The following HOMER3 variants were observed in gnomAD, a reference collection of about 807,000 sequenced individuals.
HOMER3 encodes the protein homer protein homolog 3.
Under a neutral mutation model 45.5 loss-of-function variants are expected in HOMER3, and 34 were observed. The observed-to-expected ratio is 0.75, with a 90% CI of 0.57 to 1.00. The LOEUF (loss-of-function observed/expected upper bound fraction) is 1.00. Ranked by LOEUF, HOMER3 falls within the 50% of genes least tolerant of loss-of-function variation. The pLI, the probability that HOMER3 is intolerant of heterozygous loss-of-function variation, is 0.00. For synonymous variants in HOMER3, 223 were observed against 208.8 expected, an observed-to-expected ratio of 1.07 and a Z score of -0.58; for missense variants, 480 against 497.5, an observed-to-expected ratio of 0.96 and a Z score of 0.33.
chr19:18,937,451 T>C lies in HOMER3; in HGVS notation c.303+902A>G, dbSNP rs201379611. ...CAGCACTTTGGGAGGCCGAGGCAGG[T>C]GGATCATCTGAGGTCAGGAGTTCAA... On this transcript the variant is annotated intron_variant, in intron 4 of 9. Transcript: ENST00000392351. Among the ~76,000 whole-genome samples the C allele has an allele frequency of 5.4e-4, 81 of 149,564 alleles. No homozygotes were observed. The East Asian group carries it at 0.014, about 26-fold the overall frequency.
chr19:18,932,873 T>TCCCCCCCCCCAAACCC, intron 6 of HOMER3, 51 bp downstream of exon 6: 1 of 877,174 alleles, frequency 1.1e-6, no homozygotes, highest in Non-Finnish European at 1.6e-6. Flanking sequence ...CGCCTCCTCG[T>TCCCCCCCCCCAAACCC]CCCCCACCCC....
In HOMER3 at chr19:18,938,955, AG is replaced by A. The variant is rs1478455374; in HGVS notation, c.14+13del. 2 of 1,604,066 alleles carry A rather than the reference AG, an allele frequency of 1.2e-6. No homozygotes were observed. The highest frequency in any genetic ancestry group is 1.7e-5 in the Admixed American group (1 of 59,042). ...AGAAAGCTCAGGGCCAGGCTGGGGG[AG>A]GTGGGAGCTCACCTGGCTGTGGACA... is the stretch of plus-strand genomic sequence containing the variant. On this transcript the variant is annotated intron_variant, in intron 2 of 9. Coordinates refer to ENST00000392351, the MANE Select transcript of HOMER3 (RefSeq NM_004838.4).
Position 18,939,012 on chromosome 19 carries a change from G to A in HOMER3, c.-30C>T, listed in dbSNP as rs1355110220. On this transcript the variant is annotated 5_prime_UTR_variant, in exon 2 of 10. Coordinates refer to ENST00000392351, the MANE Select transcript of HOMER3 (RefSeq NM_004838.4). ...CAGGCTGGGATGGGCAGGCTCTAGG[G>A]GGCAGCCAGAGAGGTGGCAGGAGCA... The A allele has an allele frequency of 6.4e-7, 1 of 1,553,630 alleles. No homozygotes were observed. The highest frequency in any genetic ancestry group is 1.4e-5 in the African/African-American group (1 of 73,448).
rs2057119811 is a variant in HOMER3, at chr19:18,938,601, G to A, written c.172-117C>T. 3 of 1,496,882 alleles carry A rather than the reference G, an allele frequency of 2.0e-6. No homozygotes were observed. The Admixed American group carries it at 5.5e-5, about 27-fold the overall frequency. The allele number at this position is 1,496,882 out of a possible 1,614,324, so 92.7% of individuals were successfully genotyped here. ...GTCTTTACTCTGAACCCTTTCAGGAGATAGAGACTAGGGCCTGGGAAGGCT... is the reference window on the plus strand; with the variant it reads ...GTCTTTACTCTGAACCCTTTCAGGAAATAGAGACTAGGGCCTGGGAAGGCT... On this transcript the variant is annotated intron_variant, in intron 3 of 9. Transcript: ENST00000392351.
Position 18,933,009 on chromosome 19 carries a change from C to T in HOMER3, c.448G>A (p.Gly150Ser), listed in dbSNP as rs1192390786. The T allele has an allele frequency of 3.4e-6, 5 of 1,484,820 alleles. No individual in the cohort carries two copies. The highest frequency in any genetic ancestry group is 3.0e-5 in the African/African-American group (2 of 67,566). 92.0% of individuals were successfully genotyped at this position (1,484,820 alleles called of 1,614,324 possible). ...PSPLVSANGP[G>S]EEKLFRSQSA... The stretch of plus-strand genomic sequence containing the variant: ...TGGCTGCGGAACAGTTTTTCCTCGC[C>T]GGGGCCGTTGGCACTGACGAGAGGG... Residue 150 changes from glycine (G) to serine (S), a missense_variant, in exon 6 of 10, where the codon GGC becomes AGC. Physicochemically the swap from Gly to Ser is moderately conservative, Grantham distance 56. Coordinates refer to ENST00000392351, the MANE Select transcript of HOMER3 (RefSeq NM_004838.4).
At chr19:18,932,492 T>A (rs1276023005) in intron 6 of HOMER3, among the ~76,000 whole-genome samples, 1 of 151,822 alleles carries the variant, frequency 6.6e-6, no homozygotes, top group East Asian at 1.9e-4. Flanking sequence ...GTGGCGACAC[T>A]GATTGCTGAG....
chr19:18,933,749 G>A (rs139603125), intron 5 of HOMER3, among the ~76,000 whole-genome samples: 2,077 of 151,924 alleles, frequency 0.014, 54 homozygotes, highest in African/African-American at 0.047. Flanking sequence ...CTGTCACCCA[G>A]GCTGGAGTGC....
chr19:18,937,708 A>G (rs2057109074), intron 4 of HOMER3, among the ~76,000 whole-genome samples: 1 of 151,524 alleles, frequency 6.6e-6, no homozygotes, highest in Admixed American at 6.6e-5. Flanking sequence ...GATCTTCGTG[A>G]AAGCACTCAT....
At position 18,941,134 on chromosome 19, in the gene HOMER3, C is replaced by G. The variant is rs531819145; in HGVS notation, c.-151G>C. On this transcript the variant is annotated 5_prime_UTR_variant, in exon 1 of 10. Transcript: ENST00000392351. ...GCTGACTCCGCGCTGCCGGGCGCCC[C>G]GCTCGCTCCCTGGCTCCCGGGCCCG... 5.7e-4 allele frequency: 86 copies of G among 149,736 alleles called. 1 individual carries two copies. The highest frequency in any genetic ancestry group is 1.9e-3 in the African/African-American group (77 of 41,134). The allele number at this position is 149,736 out of a possible 1,614,324, so 9.3% of individuals were successfully genotyped here.
intron 6 of HOMER3, among the ~76,000 whole-genome samples, chr19:18,932,420 G>A (rs113719630): frequency 2.0e-5 from 3 of 151,672 alleles, no homozygotes; most frequent in African/African-American, 7.3e-5. Context: ...CTAGGGGGCG[G>A]GGCCAGAGGA....
At chr19:18,937,672 CAAAAAAAAAA>C (rs398034178) in intron 4 of HOMER3, among the ~76,000 whole-genome samples, 1 of 64,270 alleles carries the variant, frequency 1.6e-5, no homozygotes, top group Non-Finnish European at 3.1e-5. Context: ...GCATTATCTC[CAAAAAAAAAA>C]AAAAAAAAAG....
chr19:18,937,929 T>A (rs2057111563), intron 4 of HOMER3, among the ~76,000 whole-genome samples: 1 of 151,912 alleles, frequency 6.6e-6, no homozygotes, highest in Non-Finnish European at 1.5e-5. Context: ...CAGTGGCTCA[T>A]GCCTGTAATT....
rs139883016 is a variant in HOMER3 at position 18,931,539 on chromosome 19, C to T, written c.777G>A (p.Gln259=). 2,433 of 1,613,688 alleles carry T rather than the reference C, an allele frequency of 1.5e-3. 27 individuals are homozygous for T. The African/African-American group carries it at 0.029, about 19-fold the overall frequency. ...CCTTGGTTTGCACCAGAGCTTCCAG[C>T]TGTTCCAGCGACTGGCCCTGGCCCA... ...EGLGQGQSLE[Q]LEALVQTKDQ... Residue 259 remains glutamine (Q), a synonymous_variant, in exon 8 of 10, where the codon CAG becomes CAA. Transcript: ENST00000392351.
At chr19:18,939,072 G>A (rs1456829529) in intron 1 of HOMER3, 23 bp from the exon 2 acceptor site, 26 of 1,324,636 alleles carry the variant, frequency 2.0e-5, no homozygotes, top group Non-Finnish European at 2.6e-5. Context: ...GAGGGACTAT[G>A]AGTGTCCCTC....
At position 18,936,313 on chromosome 19, in the gene HOMER3, C is replaced by CAAA. The variant is rs545186459; in HGVS notation, c.304-1906_304-1904dup. ...GGGGGACAAGAGTGAAACTCTGTCT[C>CAAA]AAAAAAATAAATAAATAAATAAATA... On this transcript the variant is annotated intron_variant, in intron 4 of 9. Coordinates refer to ENST00000392351, the MANE Select transcript of HOMER3 (RefSeq NM_004838.4). Among the ~76,000 whole-genome samples, 48 of 122,086 alleles carry CAAA rather than the reference C, an allele frequency of 3.9e-4. 2 individuals carry two copies. The highest frequency in any genetic ancestry group is 5.3e-4 in the Non-Finnish European group (31 of 58,624). 80.1% of individuals were successfully genotyped at this position (122,086 alleles called of 152,430 possible).
intron 4 of HOMER3, among the ~76,000 whole-genome samples, chr19:18,937,166 C>G (rs2057101895): frequency 6.6e-6 from 1 of 151,704 alleles, no homozygotes; most frequent in South Asian, 2.1e-4. Context: ...AAGATATTAG[C>G]TAGGCATGGT....
At chr19:18,940,475 A>G (rs189342357) in intron 1 of HOMER3, 5 of 152,202 alleles carry the variant, frequency 3.3e-5, no homozygotes, top group Admixed American at 1.3e-4. Flanking sequence ...TTAATTCAGG[A>G]TCCCATCCCC....
Position 18,938,898 on chromosome 19 carries a change from G to A in HOMER3, c.15-14C>T, listed in dbSNP as rs1409738499. The stretch of plus-strand genomic sequence containing the variant: ...ATTGGCTGCTCCCTGCGTGGGGAGA[G>A]GGTGTTTGGTGGGGGCCAGGCACCC... On this transcript the variant is annotated splice_polypyrimidine_tract_variant and intron_variant, in intron 2 of 9. Transcript: ENST00000392351. The A allele has an allele frequency of 1.2e-6, 2 of 1,605,632 alleles. No individual in the cohort carries two copies. Among genetic ancestry groups the A allele is most frequent in the Admixed American group, 3.4e-5 (2 of 58,640 alleles).
Position 18,932,136 on chromosome 19 carries a change from CAG to C in HOMER3, c.534-6_534-5del, listed in dbSNP as rs754547552. 6.5e-7 allele frequency: 1 copy of C among 1,546,446 alleles called. No individual in the cohort carries two copies. Among genetic ancestry groups the C allele is most frequent in the South Asian group, 1.2e-5 (1 of 83,690 alleles). On this transcript the variant is annotated splice_region_variant and splice_polypyrimidine_tract_variant and intron_variant, in intron 6 of 9. Transcript: ENST00000392351. ...CCACTGTACCTCGCCCACGGAGCTG[CAG>C]AGACACGAGGGTCGGCAGTGGGTGA...
Sources: allele counts gnomAD v4.1 joint callset (sites outside exome capture counted in the v4.1 genomes callset), GRCh38; gene constraint gnomAD v4.1.1; transcripts MANE v1.5; gene names NCBI Gene and HGNC (gene_info 2026-07-23, HGNC 2026-07-21).